STK24: variants seen among roughly 807,000 people sequenced by gnomAD.
STK24 encodes serine/threonine-protein kinase 24.
STK24 carries 21 observed loss-of-function variants against 55.6 expected under a neutral mutation model. That is an observed-to-expected ratio of 0.38 (90% CI 0.27 to 0.54). The LOEUF (loss-of-function observed/expected upper bound fraction) is 0.54, where lower values mean the gene tolerates loss of function less well. STK24 is among the 20% of genes least tolerant of loss of function. The pLI is 0.79. For synonymous variants in STK24, 200 were observed against 215.2 expected (o/e 0.93, Z 0.62); for missense variants, 383 against 538.4 (o/e 0.71, Z 2.86).
chr13:98,555,364 G>A (rs368056723), intron 1 of STK24, among the ~76,000 whole-genome samples: 6 of 152,096 alleles, frequency 3.9e-5, no homozygotes, highest in African/African-American at 1.4e-4. Flanking sequence ...GGCAGATCAC[G>A]AGGTCAGGAG....
At chr13:98,519,085 G>C (rs572690804) in intron 2 of STK24, among the ~76,000 whole-genome samples, 158 bp downstream of exon 2, 1 of 152,338 alleles carries the variant, frequency 6.6e-6, no homozygotes, top group Non-Finnish European at 1.5e-5. Context: ...TTGAGATGAT[G>C]GAACTATCAA....
At chr13:98,522,756 GATA>G (rs745509236) in intron 1 of STK24, among the ~76,000 whole-genome samples, 2 of 152,180 alleles carry the variant, frequency 1.3e-5, no homozygotes, top group African/African-American at 4.8e-5. Flanking sequence ...GCCCAGGTAT[GATA>G]AGTGGCATGG....
intron 6 of STK24, among the ~76,000 whole-genome samples, chr13:98,465,577 TCTC>T (rs1893898350): frequency 6.6e-6 from 1 of 152,222 alleles, no homozygotes; most frequent in African/African-American, 2.4e-5. Flanking sequence ...TCAGCCTGCA[TCTC>T]CTTAGACGTA....
At chr13:98,555,051 T>C (rs9513445) in intron 1 of STK24, among the ~76,000 whole-genome samples, 26,950 of 150,350 alleles carry the variant, frequency 0.18, 2,505 homozygotes, top group South Asian at 0.25. Context: ...AAAAATAGTT[T>C]AAGAACATGA....
In STK24 at chr13:98,449,504, A is replaced by T. The variant is rs920639637; in HGVS notation, c.*3669T>A. 6.6e-6 allele frequency: 1 copy of T among 152,322 alleles called. No homozygotes were observed. Among genetic ancestry groups the T allele is most frequent in the African/African-American group, 2.4e-5 (1 of 41,364 alleles). The allele number at this position is 152,322 out of a possible 1,614,324, so 9.4% of individuals were successfully genotyped here. A position where few individuals can be genotyped will look rare whatever the true frequency, so the allele number is the denominator to read the frequency against. ...GCCCTTTCTAACGAGAGTCTCAAAC[A>T]AGCGGAGGCGAGGGCCAATTCAACC... On this transcript the variant is annotated 3_prime_UTR_variant, in exon 11 of 11. Transcript: ENST00000539966.
intron 1 of STK24, chr13:98,543,091 T>A (rs562788904): frequency 1.1e-6 from 1 of 903,666 alleles, no homozygotes; most frequent in Admixed American, 6.2e-5. Flanking sequence ...AGGCCGCAGC[T>A]CCGCTCCGGC....
intron 2 of STK24, 50 bp downstream of exon 2, chr13:98,519,193 A>C: frequency 1.4e-6 from 2 of 1,479,836 alleles, no homozygotes; most frequent in Non-Finnish European, 1.9e-6. Flanking sequence ...CCCTGCTGGC[A>C]CCTCAGCCAA....
intron 2 of STK24, among the ~76,000 whole-genome samples, chr13:98,517,920 T>C (rs1187563601): frequency 6.6e-6 from 1 of 152,248 alleles, no homozygotes; most frequent in East Asian, 1.9e-4. Flanking sequence ...AAGTACCTAC[T>C]ACATGTCAAG....
intron 1 of STK24, among the ~76,000 whole-genome samples, chr13:98,522,638 C>A (rs1216415364): frequency 1.3e-5 from 2 of 152,194 alleles, no homozygotes; most frequent in African/African-American, 4.8e-5. Context: ...TGCCACTTCC[C>A]CTGCTGGACT....
intron 1 of STK24, among the ~76,000 whole-genome samples, chr13:98,523,881 G>T (rs944146195): frequency 2.6e-5 from 4 of 152,172 alleles, no homozygotes; most frequent in Non-Finnish European, 5.9e-5. Context: ...AGGCCCCGAC[G>T]GCCCATGCTT....
rs867014417 is a variant in STK24, at chr13:98,447,079, G to C, written c.*6094C>G. 1.3e-5 allele frequency: 6 copies of C among 455,468 alleles called. No homozygotes were observed. Among genetic ancestry groups the C allele is most frequent in the Non-Finnish European group, 1.2e-5 (3 of 249,956 alleles). 28.2% of individuals were successfully genotyped at this position (455,468 alleles called of 1,614,324 possible). On this transcript the variant is annotated 3_prime_UTR_variant, in exon 11 of 11. Coordinates refer to ENST00000539966, the MANE Select transcript of STK24 (RefSeq NM_001032296.4). Reference sequence around the variant, plus strand: ...CTTGCTTGGAGATCTCTGACATAACGTGTCCGGGATGATGAAGCTAAGCCC... The same window carrying C: ...CTTGCTTGGAGATCTCTGACATAACCTGTCCGGGATGATGAAGCTAAGCCC...
intron 1 of STK24, among the ~76,000 whole-genome samples, chr13:98,560,495 C>A (rs1440735757): frequency 6.6e-6 from 1 of 152,178 alleles, no homozygotes; most frequent in African/African-American, 2.4e-5. Context: ...ACTAAATCAA[C>A]AGGCTGAAAA....
intron 9 of STK24, among the ~76,000 whole-genome samples, chr13:98,457,902 A>C (rs1324739063): frequency 6.6e-6 from 1 of 152,192 alleles, no homozygotes; most frequent in African/African-American, 2.4e-5. Flanking sequence ...GCCTTTCCCA[A>C]GTCTCACCGT....
intron 2 of STK24, among the ~76,000 whole-genome samples, chr13:98,514,866 G>C (rs4529985): frequency 0.56 from 84,556 of 151,898 alleles, 24,025 homozygotes; most frequent in Non-Finnish European, 0.62. Context: ...TTTTTAATAA[G>C]GGAAAATCAT....
chr13:98,494,182 C>T (rs1323597230), intron 2 of STK24, among the ~76,000 whole-genome samples: 4 of 143,892 alleles, frequency 2.8e-5, no homozygotes, highest in African/African-American at 7.6e-5. Flanking sequence ...GAGGCCGAGG[C>T]GGGTGGATCA....
intron 1 of STK24, among the ~76,000 whole-genome samples, chr13:98,560,682 C>G (rs1218595661): frequency 6.6e-6 from 1 of 152,020 alleles, no homozygotes; most frequent in Non-Finnish European, 1.5e-5. Context: ...AGTTCGAGAC[C>G]AGCCTAACCA....
rs2139178974 is a variant in STK24, at chr13:98,447,060, T to G, written c.*6113A>C. On this transcript the variant is annotated 3_prime_UTR_variant, in exon 11 of 11. Transcript: ENST00000539966. ...TGGCTGAGGCCCTAGACATCTTGCT[T>G]GGAGATCTCTGACATAACGTGTCCG... 1 of 482,214 alleles carries G rather than the reference T, an allele frequency of 2.1e-6. No individual in the cohort carries two copies. The allele number at this position is 482,214 out of a possible 1,614,324, so 29.9% of individuals were successfully genotyped here.
intron 1 of STK24, among the ~76,000 whole-genome samples, chr13:98,523,271 A>C (rs1896324349): frequency 6.6e-6 from 1 of 152,186 alleles, no homozygotes; most frequent in African/African-American, 2.4e-5. Context: ...TCCCATACTA[A>C]GAGTGGCCTT....
chr13:98,501,932 G>C (rs1895478906), intron 2 of STK24, among the ~76,000 whole-genome samples: 2 of 152,134 alleles, frequency 1.3e-5, no homozygotes, highest in African/African-American at 4.8e-5. Flanking sequence ...CTCTGACCCA[G>C]AGTGCTGCTG....
Sources: allele counts gnomAD v4.1 joint callset (sites outside exome capture counted in the v4.1 genomes callset), GRCh38; gene constraint gnomAD v4.1.1; transcripts MANE v1.5; gene names NCBI Gene and HGNC (gene_info 2026-07-23, HGNC 2026-07-21).